Variants in MCTP1 observed in about 807,000 individuals in gnomAD.
The protein encoded by MCTP1 is multiple C2 and transmembrane domain-containing protein 1.
In MCTP1, 69 loss-of-function variants were observed where a neutral mutation model predicts 120.6. The observed-to-expected ratio is 0.57, with a 90% CI of 0.47 to 0.70. The LOEUF (loss-of-function observed/expected upper bound fraction) is 0.70, where lower values mean the gene tolerates loss of function less well. MCTP1 is among the 30% of genes least tolerant of loss of function. The probability of loss-of-function intolerance (pLI) is 0.00; values close to 1 mark genes in which losing one functional copy is unlikely to be tolerated. For synonymous variants in MCTP1, 529 were observed against 493.1 expected (o/e 1.07, Z -0.96); for missense variants, 1,203 against 1,248.8 (o/e 0.96, Z 0.55).
At chr5:94,941,685 T>A (rs1025160068) in intron 4 of MCTP1, among the ~76,000 whole-genome samples, 3 of 152,108 alleles carry the variant, frequency 2.0e-5, no homozygotes, top group South Asian at 2.1e-4. Context: ...TCTAATGGTA[T>A]TTTTTTATTC....
At chr5:94,766,502 T>C (rs2152877569) in intron 19 of MCTP1, among the ~76,000 whole-genome samples, 1 of 151,452 alleles carries the variant, frequency 6.6e-6, no homozygotes, top group Middle Eastern at 3.4e-3. Context: ...GTGGGGAACA[T>C]CACACACCAG....
chr5:94,896,974 A>G (rs1477880585), intron 10 of MCTP1, among the ~76,000 whole-genome samples: 1 of 151,892 alleles, frequency 6.6e-6, no homozygotes, highest in Non-Finnish European at 1.5e-5. Flanking sequence ...TTTCTCCACC[A>G]CTCTATCTTT....
At chr5:95,018,810 T>C (rs1837637202) in intron 1 of MCTP1, among the ~76,000 whole-genome samples, 1 of 152,082 alleles carries the variant, frequency 6.6e-6, no homozygotes, top group African/African-American at 2.4e-5. Flanking sequence ...TGTCTTTTTC[T>C]TTCAATTCCT....
At chr5:95,015,420 G>T (rs1836905356) in intron 2 of MCTP1, among the ~76,000 whole-genome samples, 1 of 151,990 alleles carries the variant, frequency 6.6e-6, no homozygotes, top group Non-Finnish European at 1.5e-5. Context: ...AATTAATTAA[G>T]AAAATTGACT....
At chr5:95,204,668 T>A (rs181379400) in intron 1 of MCTP1, among the ~76,000 whole-genome samples, 66 of 152,212 alleles carry the variant, frequency 4.3e-4, no homozygotes, top group Non-Finnish European at 8.5e-4. Flanking sequence ...ATAAACAAGT[T>A]CTACAAGATT....
intron 1 of MCTP1, among the ~76,000 whole-genome samples, chr5:95,256,671 A>G (rs1194791300): frequency 6.6e-6 from 1 of 152,178 alleles, no homozygotes; most frequent in Non-Finnish European, 1.5e-5. Context: ...AAATATTCAG[A>G]ATTATGTTTT....
intron 2 of MCTP1, among the ~76,000 whole-genome samples, chr5:95,001,951 A>T (rs1833814756): frequency 6.6e-6 from 1 of 152,142 alleles, no homozygotes. Context: ...AAATTATTTC[A>T]TGGGCTGGAC....
intron 1 of MCTP1, among the ~76,000 whole-genome samples, chr5:95,018,344 G>C (rs1837522022): frequency 6.6e-6 from 1 of 151,778 alleles, no homozygotes; most frequent in Admixed American, 6.6e-5. Flanking sequence ...TGATTCAAAA[G>C]GAAATGTCCT....
intron 11 of MCTP1, among the ~76,000 whole-genome samples, chr5:94,891,055 G>C (rs1802475417): frequency 6.6e-6 from 1 of 152,158 alleles, no homozygotes; most frequent in Non-Finnish European, 1.5e-5. Flanking sequence ...AACTTTATCA[G>C]TCCCGTATGA....
intron 1 of MCTP1, among the ~76,000 whole-genome samples, chr5:95,035,603 A>C (rs1445096164): frequency 2.0e-5 from 3 of 151,996 alleles, no homozygotes; most frequent in Non-Finnish European, 4.4e-5. Context: ...GGGCTGAAAA[A>C]CTACTTATTG....
chr5:94,897,706 C>T (rs983326832), intron 10 of MCTP1, among the ~76,000 whole-genome samples: 2 of 152,078 alleles, frequency 1.3e-5, no homozygotes, highest in Non-Finnish European at 1.5e-5. Flanking sequence ...TTGGTGGGCA[C>T]ATGTGCAGGT....
At chr5:94,824,789 T>C (rs36728) in intron 17 of MCTP1, among the ~76,000 whole-genome samples, 80,435 of 151,880 alleles carry the variant, frequency 0.53, 24,056 homozygotes, top group Non-Finnish European at 0.69. Context: ...TCCAGGAATT[T>C]ATCCATTTCT....
intron 2 of MCTP1, among the ~76,000 whole-genome samples, chr5:95,005,766 CTTTAT>C (rs1562004065): frequency 9.7e-5 from 2 of 20,578 alleles, no homozygotes; most frequent in South Asian, 0.014. Context: ...TCTTTTCTTT[CTTTAT>C]TTTTTTTTTT....
intron 1 of MCTP1, among the ~76,000 whole-genome samples, chr5:95,089,076 T>C (rs1482391271): frequency 6.6e-6 from 1 of 152,186 alleles, no homozygotes; most frequent in Non-Finnish European, 1.5e-5. Flanking sequence ...TATATACCAA[T>C]TAGAAAAACT....
chr5:95,166,619 G>A (rs542320804), intron 1 of MCTP1, among the ~76,000 whole-genome samples: 42 of 149,084 alleles, frequency 2.8e-4, no homozygotes, highest in Admixed American at 2.3e-3. Flanking sequence ...CCAGGCTGGG[G>A]TGCAGTGGCA....
At chr5:94,826,584 C>A in intron 17 of MCTP1, 1 of 752,676 alleles carries the variant, frequency 1.3e-6, no homozygotes, top group Non-Finnish European at 2.4e-6. Context: ...ATCTTTTGGG[C>A]AAACTTCTTT....
chr5:95,107,491 A>C (rs1382696449), intron 1 of MCTP1, among the ~76,000 whole-genome samples: 1 of 152,246 alleles, frequency 6.6e-6, no homozygotes, highest in African/African-American at 2.4e-5. Context: ...TCATACTACA[A>C]AGATAAAATA....
intron 13 of MCTP1, 60 bp downstream of exon 13, chr5:94,873,079 C>A: frequency 2.0e-6 from 2 of 1,015,722 alleles, no homozygotes; most frequent in Middle Eastern, 2.0e-4. Flanking sequence ...TTAAAACCCT[C>A]AAAAATAAAT....
intron 10 of MCTP1, among the ~76,000 whole-genome samples, chr5:94,905,052 G>A (rs1487121266): frequency 6.6e-6 from 1 of 152,174 alleles, no homozygotes; most frequent in Non-Finnish European, 1.5e-5. Flanking sequence ...ATTTTAAATA[G>A]GCTTGGTATG....
Sources: allele counts gnomAD v4.1 joint callset (sites outside exome capture counted in the v4.1 genomes callset), GRCh38; gene constraint gnomAD v4.1.1; transcripts MANE v1.5; gene names NCBI Gene and HGNC (gene_info 2026-07-23, HGNC 2026-07-21).